Variants in PLEKHG5 observed in about 807,000 individuals in gnomAD.
The protein encoded by PLEKHG5 is pleckstrin homology and RhoGEF domain containing G5, also known as pleckstrin homology domain-containing family G member 5.
Under a neutral mutation model 103.8 loss-of-function variants are expected in PLEKHG5, and 52 were observed. That is an observed-to-expected ratio of 0.50 (90% CI 0.40 to 0.63). PLEKHG5 has a LOEUF of 0.63. Ranked by LOEUF, PLEKHG5 falls within the 30% of genes least tolerant of loss-of-function variation. The pLI, the probability that PLEKHG5 is intolerant of heterozygous loss-of-function variation, is 0.00. For synonymous variants in PLEKHG5, 592 were observed against 575.5 expected (o/e 1.03, Z -0.41); for missense variants, 1,205 against 1,347.6 (o/e 0.89, Z 1.66).
chr1:6,475,582 G>A (rs545947231), intron 3 of PLEKHG5, 60 bp from the exon 4 acceptor site: 27 of 1,436,164 alleles, frequency 1.9e-5, no homozygotes, highest in Middle Eastern at 1.8e-4. Flanking sequence ...CAGCGTGGGC[G>A]GCGAGTGGGC....
chr1:6,512,171 C>T (rs1226924090), intron 1 of PLEKHG5, among the ~76,000 whole-genome samples: 3 of 152,186 alleles, frequency 2.0e-5, no homozygotes, highest in South Asian at 4.1e-4. Context: ...CCATGTCGCT[C>T]GGAAGGGGTT....
Position 6,505,158 on chromosome 1 carries a change from C to T in PLEKHG5, c.-164-8589G>A, listed in dbSNP as rs4590694. Among the ~76,000 whole-genome samples, 25,794 of 152,112 alleles carry T rather than the reference C, an allele frequency of 0.17. 2,247 individuals carry two copies. Among genetic ancestry groups the T allele is most frequent in the Middle Eastern group, 0.19 (57 of 294 alleles). ...CACAGTGCTGGGAGCTGGAGATCAGCGCTCCGGTAGCTTCTGCGGACCGGA... is the reference window on the plus strand; with the variant it reads ...CACAGTGCTGGGAGCTGGAGATCAGTGCTCCGGTAGCTTCTGCGGACCGGA... On this transcript the variant is annotated intron_variant, in intron 1 of 21. Transcript: ENST00000377740. The surrounding 1 kb of genome is among the most constrained non-coding windows in gnomAD (Gnocchi z 4.2).
intron 1 of PLEKHG5, among the ~76,000 whole-genome samples, chr1:6,504,136 A>G (rs1468269241): frequency 6.6e-6 from 1 of 152,082 alleles, no homozygotes; most frequent in Non-Finnish European, 1.5e-5. Flanking sequence ...GTCCTGTAGC[A>G]CCGTACCTGC....
rs1645054434 is a variant in PLEKHG5, at chr1:6,487,043, T to C, written c.-88+4594A>G. Among the ~76,000 whole-genome samples, 1 of 152,194 alleles carries C rather than the reference T, an allele frequency of 6.6e-6. No homozygotes were observed. Among genetic ancestry groups the C allele is most frequent in the Non-Finnish European group, 1.5e-5 (1 of 68,026 alleles). On this transcript the variant is annotated intron_variant, in intron 1 of 20. Transcript: ENST00000377728. This position sits in a 1 kb window ranked among gnomAD's most constrained non-coding sequence, Gnocchi z 4.1. ...AGCGTTTTATTAGAGGCTGGGAGAC[T>C]TCCAGGGCTGTCTCCACTCCCAAAG... is the stretch of plus-strand genomic sequence containing the variant.
rs755086442 is a variant in PLEKHG5, at chr1:6,477,637, G to A, written c.-66C>T. ...AGGGGCCCCCGGCGGTGCAGCTGCT[G>A]GCAGTCGGCGTGGTGACATACCTGG... On this transcript the variant is annotated 5_prime_UTR_variant, in exon 2 of 21. Transcript: ENST00000377728. 2.5e-6 allele frequency: 4 copies of A among 1,606,548 alleles called. No homozygotes were observed. The Admixed American group carries it at 6.7e-5, about 27-fold the overall frequency.
chr1:6,476,712 AC>A (rs1644773153), intron 2 of PLEKHG5, among the ~76,000 whole-genome samples: 2 of 152,174 alleles, frequency 1.3e-5, no homozygotes, highest in African/African-American at 4.8e-5. Context: ...CTGTGACCAC[AC>A]CTGAATTCCC....
chr1:6,478,804 C>T (rs141354033), intron 1 of PLEKHG5, among the ~76,000 whole-genome samples: 2,203 of 152,044 alleles, frequency 0.014, 55 homozygotes, highest in African/African-American at 0.051. Context: ...CCACCACGCC[C>T]GACTAATTTT....
intron 1 of PLEKHG5, among the ~76,000 whole-genome samples, chr1:6,482,736 T>C (rs555546461): frequency 6.6e-6 from 1 of 152,176 alleles, no homozygotes; most frequent in East Asian, 1.9e-4. Context: ...TGCGATAGAG[T>C]CTCGCTCTGT....
At chr1:6,475,238 T>TC in intron 4 of PLEKHG5, 100 bp from the exon 5 acceptor site, 1 of 369,150 alleles carries the variant, frequency 2.7e-6, no homozygotes, top group Admixed American at 3.3e-5. Context: ...CCAACCCTCC[T>TC]CCCCACCCTC....
Position 6,491,589 on chromosome 1 carries a change from C to T in PLEKHG5, c.-88+48G>A. ...CATCCTGGTCTGCCGCTGCTCACCC[C>T]CAAAGCATTGCCCAGGAGAATAGGT... On this transcript the variant is annotated intron_variant, in intron 1 of 20. Coordinates refer to ENST00000377728, the MANE Select transcript of PLEKHG5 (RefSeq NM_020631.6). The surrounding 1 kb of genome is among the most constrained non-coding windows in gnomAD (Gnocchi z 4.1). The T allele has an allele frequency of 2.1e-6, 2 of 936,406 alleles. No homozygotes were observed. Among genetic ancestry groups the T allele is most frequent in the South Asian group, 9.9e-5 (2 of 20,290 alleles). 58.0% of individuals were successfully genotyped at this position (936,406 alleles called of 1,614,324 possible). A position where few individuals can be genotyped will look rare whatever the true frequency, so the allele number is the denominator to read the frequency against.
At chr1:6,468,916 C>A in intron 19 of PLEKHG5, 126 bp downstream of exon 19, 1 of 843,486 alleles carries the variant, frequency 1.2e-6, no homozygotes, top group Non-Finnish European at 2.0e-6. Flanking sequence ...GGAGACAGAG[C>A]CCCGCTCCCA....
rs1645001468 is a variant in PLEKHG5 at position 6,485,304 on chromosome 1, G to A, written c.-88+6333C>T. 9 of 1,355,310 alleles carry A rather than the reference G, an allele frequency of 6.6e-6. No homozygotes were observed. In the East Asian group the frequency reaches 1.5e-4, roughly 23 times the overall value. 84.0% of individuals were successfully genotyped at this position (1,355,310 alleles called of 1,614,324 possible). ...GAACTGGGCACCCAGCCCCGTTCCCGCCCCGTCCCGGCCCCGTACCTGGCT... is the reference window on the plus strand; with the variant it reads ...GAACTGGGCACCCAGCCCCGTTCCCACCCCGTCCCGGCCCCGTACCTGGCT... On this transcript the variant is annotated intron_variant, in intron 1 of 20. Coordinates refer to ENST00000377728, the MANE Select transcript of PLEKHG5 (RefSeq NM_020631.6).
chr1:6,469,691 G>C lies in PLEKHG5; in HGVS notation c.1801-15C>G. ...TACACATCCATCTGCAGTGGCAGGA[G>C]GGGGGGTGGCCAGAGAGGCCAGCAG... On this transcript the variant is annotated splice_polypyrimidine_tract_variant and intron_variant, in intron 16 of 20. Transcript: ENST00000377728. 4.4e-6 allele frequency: 7 copies of C among 1,608,162 alleles called. No individual in the cohort carries two copies. The highest frequency in any genetic ancestry group is 1.1e-5 in the South Asian group (1 of 90,866).
chr1:6,496,067 G>A (rs1396548782), upstream of PLEKHG5, among the ~76,000 whole-genome samples: 2 of 152,328 alleles, frequency 1.3e-5, no homozygotes, highest in East Asian at 3.9e-4. Context: ...AAGTCCCAAA[G>A]CATCTCAGAC....
chr1:6,519,515 T>C, exon 1 of PLEKHG5: 1 of 1,613,502 alleles, frequency 6.2e-7, no homozygotes, highest in Non-Finnish European at 8.5e-7. Context: ...AATTCATGCT[T>C]GACCTCTGCG....
At chr1:6,475,198 T>TC in intron 4 of PLEKHG5, 60 bp from the exon 5 acceptor site, 1 of 471,234 alleles carries the variant, frequency 2.1e-6, no homozygotes, top group Admixed American at 2.9e-5. Flanking sequence ...ATTCCCGCCC[T>TC]CCTCCCCACC....
rs1645070245 is a variant in PLEKHG5, at chr1:6,487,864, G to C, written c.-88+3773C>G. ...CACTGTGTCCTCGGCACTTAGAACA[G>C]TCCTGGTGCACAGTAGGTGCGCTTG... On this transcript the variant is annotated intron_variant, in intron 1 of 20. Coordinates refer to ENST00000377728, the MANE Select transcript of PLEKHG5 (RefSeq NM_020631.6). This position sits in a 1 kb window ranked among gnomAD's most constrained non-coding sequence, Gnocchi z 4.1. 6.6e-6 allele frequency among the ~76,000 whole-genome samples: 1 copy of C among 152,224 alleles called. No homozygotes were observed.
chr1:6,490,556 G>A lies in PLEKHG5; in HGVS notation c.-88+1081C>T. 1.0e-6 allele frequency: 1 copy of A among 985,420 alleles called. No homozygotes were observed. Among genetic ancestry groups the A allele is most frequent in the Non-Finnish European group, 1.2e-6 (1 of 829,958 alleles). 61.0% of individuals were successfully genotyped at this position (985,420 alleles called of 1,614,324 possible). A position where few individuals can be genotyped will look rare whatever the true frequency, so the allele number is the denominator to read the frequency against. ...GAGAGGGGGACGGGAGCCGCGGGACGGGCTCAGTCGACTCAGCGCAAACTG... is the reference window on the plus strand; with the variant it reads ...GAGAGGGGGACGGGAGCCGCGGGACAGGCTCAGTCGACTCAGCGCAAACTG... On this transcript the variant is annotated intron_variant, in intron 1 of 20. Coordinates refer to ENST00000377728, the MANE Select transcript of PLEKHG5 (RefSeq NM_020631.6). This position sits in a 1 kb window ranked among gnomAD's most constrained non-coding sequence, Gnocchi z 8.0.
At chr1:6,503,020 G>C (rs952465288) in intron 1 of PLEKHG5, among the ~76,000 whole-genome samples, 12 of 152,168 alleles carry the variant, frequency 7.9e-5, no homozygotes, top group Non-Finnish European at 1.8e-4. Flanking sequence ...CCACCACTTG[G>C]GATCTCAAAG....
Sources: gnomAD v4.1 joint callset for allele counts (sites outside exome capture counted in the v4.1 genomes callset) on GRCh38, gnomAD v4.1.1 for gene constraint, Gnocchi (gnomAD v3.1) non-coding constraint, MANE v1.5 for transcripts, NCBI Gene and HGNC (gene_info 2026-07-23, HGNC 2026-07-21) for gene names.